The following AFF3 variants were observed in gnomAD, a reference collection of about 807,000 sequenced individuals.
AFF3 encodes ALF transcription elongation factor 3.
In AFF3, 32 loss-of-function variants were observed where a neutral mutation model predicts 129.7. The ratio of observed to expected loss-of-function variants is 0.25; its 90% CI spans 0.19 to 0.33. AFF3 has a LOEUF of 0.33. Among genes scored for constraint, AFF3 ranks in the 10% least tolerant of loss-of-function variants. AFF3 has a pLI of 1.00. For synonymous variants in AFF3, 644 were observed against 635.4 expected, an observed-to-expected ratio of 1.01 and a Z score of -0.20; for missense variants, 1,373 against 1,592.0, an observed-to-expected ratio of 0.86 and a Z score of 2.34.
intron 7 of AFF3, among the ~76,000 whole-genome samples, chr2:99,932,528 A>C (rs143723401): frequency 1.1e-3 from 172 of 152,252 alleles, no homozygotes; most frequent in Admixed American, 2.7e-3. Flanking sequence ...CCCACACTAC[A>C]TCGACCACTT....
At chr2:99,869,633 G>A (rs543056170) in intron 7 of AFF3, among the ~76,000 whole-genome samples, 18 of 152,212 alleles carry the variant, frequency 1.2e-4, no homozygotes, top group South Asian at 8.3e-4. Context: ...ACTATTGTGC[G>A]TCCTTTCAAG....
intron 7 of AFF3, among the ~76,000 whole-genome samples, chr2:99,941,405 T>C (rs1324866686): frequency 6.6e-6 from 1 of 152,304 alleles, no homozygotes; most frequent in Non-Finnish European, 1.5e-5. Context: ...CTGCACTTAT[T>C]AGAGCAGCCT....
chr2:99,659,768 C>A (rs1686065153), intron 12 of AFF3, among the ~76,000 whole-genome samples: 3 of 152,038 alleles, frequency 2.0e-5, no homozygotes, highest in Admixed American at 2.0e-4. Context: ...TGACGTAGCT[C>A]CTTATCACAG....
chr2:100,032,633 A>AT (rs1684594505), intron 4 of AFF3, among the ~76,000 whole-genome samples: 1 of 152,148 alleles, frequency 6.6e-6, no homozygotes, highest in African/African-American at 2.4e-5. Flanking sequence ...ATCTAGTACA[A>AT]TTTTTTTCAC....
chr2:100,066,187 A>G (rs1358367713), intron 4 of AFF3, among the ~76,000 whole-genome samples: 1 of 152,246 alleles, frequency 6.6e-6, no homozygotes, highest in East Asian at 1.9e-4. Context: ...TGTTTTACAA[A>G]TAAATTAAAA....
chr2:100,055,471 A>AG, intron 4 of AFF3, among the ~76,000 whole-genome samples: 1 of 151,924 alleles, frequency 6.6e-6, no homozygotes, highest in African/African-American at 2.4e-5. Flanking sequence ...TTAAAAAAAA[A>AG]AAAAAAAGAA....
intron 4 of AFF3, among the ~76,000 whole-genome samples, chr2:100,032,324 G>A (rs1684562651): frequency 6.6e-6 from 1 of 152,042 alleles, no homozygotes; most frequent in Non-Finnish European, 1.5e-5. Context: ...AGCTACTCAG[G>A]AGGCTGAGGC....
rs557898397 is a variant in AFF3 at position 99,582,887 on chromosome 2, G to T, written c.2704C>A (p.Pro902Thr). The T allele has an allele frequency of 1.2e-6, 2 of 1,614,204 alleles. No individual in the cohort carries two copies. Among genetic ancestry groups the T allele is most frequent in the South Asian group, 2.2e-5 (2 of 91,086 alleles). ...TSEDLTSSSR[P>T]NGNSLFTSAS... ...GAAGTAAACAAACTGTTGCCATTAG[G>T]TCGGCTGGAAGAAGTTAAGTCCTCG... Residue 902 changes from proline to threonine, a missense_variant, in exon 17 of 25, where the codon CCT becomes ACT. Physicochemically the swap from Pro to Thr is conservative, Grantham distance 38. Transcript: ENST00000672756.
intron 8 of AFF3, among the ~76,000 whole-genome samples, chr2:99,805,813 TACACAC>T (rs3072357): frequency 3.5e-4 from 50 of 142,944 alleles, no homozygotes; most frequent in East Asian, 1.3e-3. Flanking sequence ...GCAGGAGTCT[TACACAC>T]ACACACACAC....
At chr2:99,898,618 G>A (rs565174177) in intron 7 of AFF3, among the ~76,000 whole-genome samples, 2 of 152,290 alleles carry the variant, frequency 1.3e-5, no homozygotes, top group East Asian at 1.9e-4. Flanking sequence ...CCACAGTCCT[G>A]CACTTGCTCA....
intron 8 of AFF3, among the ~76,000 whole-genome samples, chr2:99,815,137 G>A (rs1318727963): frequency 5.3e-5 from 2 of 37,610 alleles, no homozygotes; most frequent in African/African-American, 3.9e-4. Context: ...AGGGGAGGAA[G>A]TAGCCCACAA....
intron 7 of AFF3, among the ~76,000 whole-genome samples, chr2:99,942,556 G>T (rs971753581): frequency 2.2e-5 from 3 of 134,394 alleles, no homozygotes; most frequent in Admixed American, 7.4e-5. Flanking sequence ...GCGGGGGGGG[G>T]GTCGCGGCAC....
At chr2:99,680,951 T>C (rs1309360853) in intron 11 of AFF3, among the ~76,000 whole-genome samples, 1 of 152,250 alleles carries the variant, frequency 6.6e-6, no homozygotes, top group East Asian at 1.9e-4. Context: ...TTCCAAACTT[T>C]ATTGCACATT....
intron 4 of AFF3, among the ~76,000 whole-genome samples, chr2:100,031,513 T>C (rs757325547): frequency 1.3e-5 from 2 of 152,174 alleles, no homozygotes; most frequent in Non-Finnish European, 2.9e-5. Flanking sequence ...CTACACCCAG[T>C]AGCAATGAGT....
In AFF3 at chr2:99,896,905, G is replaced by C. The variant is rs1694012895; in HGVS notation, c.874-59381C>G. Among the ~76,000 whole-genome samples, 3 of 151,970 alleles carry C rather than the reference G, an allele frequency of 2.0e-5. No individual in the cohort carries two copies. The South Asian group carries it at 6.3e-4, about 32-fold the overall frequency. ...CCGCCTCGGCCTCCCAAAGTGCTGG[G>C]ATTACAGGCATGAGCCACCGCGCCC... On this transcript the variant is annotated intron_variant, in intron 7 of 24. Coordinates refer to ENST00000672756, the MANE Select transcript of AFF3 (RefSeq NM_001386135.1).
At position 99,554,207 on chromosome 2, in the gene AFF3, T is replaced by C. The variant is rs1396941747; in HGVS notation, c.3559+104A>G. ...GATATAATGTCAAATGAAGAAAGGATATACAACTGTGTGAGTATCCCAGCT... is the reference window on the plus strand; with the variant it reads ...GATATAATGTCAAATGAAGAAAGGACATACAACTGTGTGAGTATCCCAGCT... On this transcript the variant is annotated intron_variant, in intron 24 of 24. Coordinates refer to ENST00000672756, the MANE Select transcript of AFF3 (RefSeq NM_001386135.1). 2.5e-6 allele frequency: 3 copies of C among 1,213,904 alleles called. No homozygotes were observed. In the Admixed American group the frequency reaches 5.4e-5, roughly 22 times the overall value. The allele number at this position is 1,213,904 out of a possible 1,614,324, so 75.2% of individuals were successfully genotyped here.
In AFF3 at chr2:99,578,376, A is replaced by T; in HGVS notation, c.2869T>A (p.Ser957Thr). The change falls in exon 18 of 25, where the codon TCC (serine) becomes ACC (threonine). Residue 957 changes from serine to threonine, a missense_variant. This residue lies in a region of AFF3 where 466 missense variants were observed against 505.0 expected (regional missense o/e 0.92). Coordinates refer to ENST00000672756, the MANE Select transcript of AFF3 (RefSeq NM_001386135.1). ...CTCTTGCAGTCCCTGTGGCCGTTGG[A>T]GCCTGGAGACCACGGCTTCGTCTGC... ...RPQTKPWSPG[S>T]NGHRDCKRQK... is the part of the protein sequence containing the mutation. 1.2e-6 allele frequency: 2 copies of T among 1,610,412 alleles called. No homozygotes were observed. Among genetic ancestry groups the T allele is most frequent in the Non-Finnish European group, 1.7e-6 (2 of 1,178,722 alleles).
chr2:100,048,936 T>C (rs765446142), intron 4 of AFF3, among the ~76,000 whole-genome samples: 4 of 152,090 alleles, frequency 2.6e-5, no homozygotes, highest in Non-Finnish European at 4.4e-5. Context: ...GCAAATTCGG[T>C]TTTTTAAAAT....
chr2:99,849,782 T>C (rs111444738), intron 7 of AFF3, among the ~76,000 whole-genome samples: 84 of 152,374 alleles, frequency 5.5e-4, no homozygotes, highest in African/African-American at 2.0e-3. Context: ...ATAATGTGTT[T>C]AGATTTCTGC....
Sources: gnomAD v4.1 joint callset for allele counts (sites outside exome capture counted in the v4.1 genomes callset) on GRCh38, gnomAD v4.1.1 for gene constraint, gnomAD v4.1.1 regional missense constraint, MANE v1.5 for transcripts, NCBI Gene and HGNC (gene_info 2026-07-23, HGNC 2026-07-21) for gene names.